Variants in PCDHA4 observed in about 807,000 individuals in gnomAD.
The protein encoded by PCDHA4 is protocadherin alpha-4.
In PCDHA4, 49 loss-of-function variants were observed where a neutral mutation model predicts 61.4. The ratio of observed to expected loss-of-function variants is 0.80; its 90% CI spans 0.63 to 1.01. The LOEUF (loss-of-function observed/expected upper bound fraction) is 1.01. Ranked by LOEUF, PCDHA4 falls within the 50% of genes least tolerant of loss-of-function variation. The pLI is 0.00. For missense variants in PCDHA4, 1,254 were observed against 1,235.8 expected (o/e 1.01, Z -0.22); for synonymous variants, 590 against 550.3 (o/e 1.07, Z -1.01).
intron 1 of PCDHA4, chr5:140,852,854 AT>A: frequency 1.0e-6 from 1 of 963,700 alleles, no homozygotes; most frequent in Non-Finnish European, 1.3e-6. Context: ...CTTACTAAGC[AT>A]TTACTATGTC....
At chr5:140,984,307 G>T (rs2153833813) in intron 3 of PCDHA4, among the ~76,000 whole-genome samples, 1 of 152,288 alleles carries the variant, frequency 6.6e-6, no homozygotes, top group Non-Finnish European at 1.5e-5. Context: ...GCTGGTTGGT[G>T]TGTATTCCTA....
intron 1 of PCDHA4, among the ~76,000 whole-genome samples, chr5:140,940,027 G>A (rs1554213088): frequency 6.6e-6 from 1 of 152,058 alleles, no homozygotes; most frequent in Non-Finnish European, 1.5e-5. Context: ...TATGTTTTAA[G>A]GCTATTTTAT....
At chr5:140,848,505 T>C in intron 1 of PCDHA4, 1 of 1,587,952 alleles carries the variant, frequency 6.3e-7, no homozygotes, top group Non-Finnish European at 8.6e-7. Flanking sequence ...AATGTTATAC[T>C]CAAGTCGAGG....
Position 140,833,090 on chromosome 5 carries a change from A to G in PCDHA4, c.2385+23518A>G, listed in dbSNP as rs1008615900. 1.8e-4 allele frequency among the ~76,000 whole-genome samples: 27 copies of G among 152,328 alleles called. No homozygotes were observed. In the East Asian group the frequency reaches 5.2e-3, roughly 29 times the overall value. On this transcript the variant is annotated intron_variant, in intron 1 of 3. Coordinates refer to ENST00000530339, the MANE Select transcript of PCDHA4 (RefSeq NM_018907.4). ...CCTTTTGTATAACTTTGAGTACTAG[A>G]CGAGTAATTTTGACACTCTTCAAAG...
At position 140,929,511 on chromosome 5, in the gene PCDHA4, G is replaced by A. The variant is rs113234119; in HGVS notation, c.2386-49438G>A. On this transcript the variant is annotated intron_variant, in intron 1 of 3. Coordinates refer to ENST00000530339, the MANE Select transcript of PCDHA4 (RefSeq NM_018907.4). ...TTAGAAGATTGCCCTAGGCCTCAAG[G>A]GACTTATAGTTTATTTTTGAGAAAC... 1,947 of 781,082 alleles carry A rather than the reference G, an allele frequency of 2.5e-3. 24 individuals carry two copies. The African/African-American group carries it at 0.032, about 13-fold the overall frequency. 48.4% of individuals were successfully genotyped at this position (781,082 alleles called of 1,614,324 possible).
At chr5:140,992,643 A>C (rs1215653539) in intron 3 of PCDHA4, among the ~76,000 whole-genome samples, 1 of 152,148 alleles carries the variant, frequency 6.6e-6, no homozygotes. Context: ...CCTGGAAAAT[A>C]GAAGAAAGAG....
intron 1 of PCDHA4, chr5:140,927,163 GC>G: frequency 6.2e-7 from 1 of 1,614,176 alleles, no homozygotes; most frequent in East Asian, 2.2e-5. Flanking sequence ...CAGGGCCAAA[GC>G]TGCCTGCGTC....
At chr5:140,841,804 T>A in intron 1 of PCDHA4, 1 of 1,613,910 alleles carries the variant, frequency 6.2e-7, no homozygotes, top group African/African-American at 1.3e-5. Flanking sequence ...CCGATGCAGA[T>A]GTTGGAGCTA....
Position 140,857,571 on chromosome 5 carries a change from C to G in PCDHA4, c.2385+47999C>G, listed in dbSNP as rs782707848. 16 of 1,596,746 alleles carry G rather than the reference C, an allele frequency of 1.0e-5. 2 individuals are homozygous for G. Among genetic ancestry groups the G allele is most frequent in the East Asian group, 2.2e-5 (1 of 44,820 alleles). ...GAGCGCTCGCTGTCGAGCTACGTGT[C>G]GGTGCACGCGGAGAGCGGCAAGGTG... On this transcript the variant is annotated intron_variant, in intron 1 of 3. Transcript: ENST00000530339.
At chr5:140,999,444 C>A (rs782553983) in intron 3 of PCDHA4, among the ~76,000 whole-genome samples, 25 of 152,210 alleles carry the variant, frequency 1.6e-4, no homozygotes, top group Non-Finnish European at 3.1e-4. Flanking sequence ...GCCTCTTATT[C>A]GTTCAACGAA....
intron 3 of PCDHA4, among the ~76,000 whole-genome samples, chr5:140,998,568 A>AG (rs1167593072): frequency 3.1e-5 from 3 of 96,370 alleles, no homozygotes; most frequent in African/African-American, 1.3e-4. Context: ...ATTGTAAATA[A>AG]GTTTTTTTTT....
At chr5:140,904,932 T>C in intron 1 of PCDHA4, among the ~76,000 whole-genome samples, 1 of 152,250 alleles carries the variant, frequency 6.6e-6, no homozygotes, top group African/African-American at 2.4e-5. Context: ...TTGTAGGTTC[T>C]GGATATTAGT....
chr5:140,836,907 C>A, intron 1 of PCDHA4: 1 of 583,884 alleles, frequency 1.7e-6, no homozygotes, highest in Non-Finnish European at 2.8e-6. Flanking sequence ...GTTTAATATA[C>A]ACTTTTGTTT....
At chr5:140,904,412 A>C (rs1554191488) in intron 1 of PCDHA4, among the ~76,000 whole-genome samples, 2 of 150,986 alleles carry the variant, frequency 1.3e-5, no homozygotes, top group Non-Finnish European at 2.9e-5. Context: ...TATATATATA[A>C]TACATATATT....
chr5:140,922,564 A>G (rs556829032), intron 1 of PCDHA4, among the ~76,000 whole-genome samples: 1 of 152,358 alleles, frequency 6.6e-6, no homozygotes, highest in South Asian at 2.1e-4. Context: ...AGTCAGGATG[A>G]CAAGTTGCCC....
chr5:140,994,637 G>A (rs1355719166), intron 3 of PCDHA4, among the ~76,000 whole-genome samples: 1 of 152,078 alleles, frequency 6.6e-6, no homozygotes, highest in Non-Finnish European at 1.5e-5. Context: ...CCTGGAAGGT[G>A]GAGGTTGCAG....
chr5:140,929,697 T>G (rs2086305900), intron 1 of PCDHA4: 1 of 266,272 alleles, frequency 3.8e-6, no homozygotes, highest in African/African-American at 2.2e-5. Flanking sequence ...CTGCTTTATA[T>G]GAATATAATA....
intron 1 of PCDHA4, chr5:140,843,910 G>A (rs2150367527): frequency 2.4e-5 from 15 of 636,386 alleles, no homozygotes; most frequent in Non-Finnish European, 3.7e-5. Flanking sequence ...CACAAGTTGG[G>A]TCTATCTTGA....
At chr5:140,872,114 AG>A (rs1261193633) in intron 1 of PCDHA4, among the ~76,000 whole-genome samples, 1 of 151,936 alleles carries the variant, frequency 6.6e-6, no homozygotes, top group African/African-American at 2.4e-5. Context: ...TCCTAACTTC[AG>A]GCTTGTATCA....
Sources: gnomAD v4.1 joint callset for allele counts (sites outside exome capture counted in the v4.1 genomes callset) on GRCh38, gnomAD v4.1.1 for gene constraint, MANE v1.5 for transcripts, NCBI Gene and HGNC (gene_info 2026-07-23, HGNC 2026-07-21) for gene names.